TRIM35: variants seen among roughly 807,000 people sequenced by gnomAD.
TRIM35 encodes the protein E3 ubiquitin-protein ligase TRIM35.
A neutral mutation model predicts 49.1 loss-of-function variants in TRIM35; 37 were observed. That is an observed-to-expected ratio of 0.75 (90% CI 0.58 to 0.99). The LOEUF (loss-of-function observed/expected upper bound fraction) is 0.99. TRIM35 is among the 50% of genes least tolerant of loss of function. The probability of loss-of-function intolerance (pLI) is 0.00; values close to 1 mark genes in which losing one functional copy is unlikely to be tolerated. For synonymous variants in TRIM35, 302 were observed against 289.3 expected, an observed-to-expected ratio of 1.04 and a Z score of -0.45; for missense variants, 648 against 702.7, an observed-to-expected ratio of 0.92 and a Z score of 0.88.
Position 27,311,086 on chromosome 8 carries a change from C to T in TRIM35, c.150G>A (p.Glu50=). 6.3e-7 allele frequency: 1 copy of T among 1,597,136 alleles called. No individual in the cohort carries two copies. Residue 50 remains glutamate, a synonymous_variant, in exon 1 of 6, where the codon GAG becomes GAA. Coordinates refer to ENST00000305364, the MANE Select transcript of TRIM35 (RefSeq NM_171982.5). Reference sequence around the variant, plus strand: ...CTGGGCAGGTGGGCGACACCTGCACCTCCCAGCAGCGGCTCACGCACCCGC... The same window carrying T: ...CTGGGCAGGTGGGCGACACCTGCACTTCCCAGCAGCGGCTCACGCACCCGC... The part of the protein sequence containing the change: ...FCRGCVSRCW[E]VQVSPTCPVC...
chr8:27,285,683 A>AC lies in TRIM35; in HGVS notation c.*1866_*1867insG, dbSNP rs1802301249. 6.6e-6 allele frequency: 1 copy of AC among 151,744 alleles called. No individual in the cohort carries two copies. Among genetic ancestry groups the AC allele is most frequent in the African/African-American group, 2.4e-5 (1 of 41,520 alleles). The allele number at this position is 151,744 out of a possible 1,614,324, so 9.4% of individuals were successfully genotyped here. A position where few individuals can be genotyped will look rare whatever the true frequency, so the allele number is the denominator to read the frequency against. ...TATCCTGTTAAAAAAAAAAAAAAAA[A>AC]AAAAACTCTTCCCATATCTAAGGTG... is the stretch of plus-strand genomic sequence containing the variant. On this transcript the variant is annotated 3_prime_UTR_variant, in exon 6 of 6. Coordinates refer to ENST00000305364, the MANE Select transcript of TRIM35 (RefSeq NM_171982.5).
rs1563433813 is a variant in TRIM35 at position 27,285,427 on chromosome 8, T to C, written c.*2123A>G. On this transcript the variant is annotated 3_prime_UTR_variant, in exon 6 of 6. Transcript: ENST00000305364. ...TACACAAAAGTTCCTAGCAGCATTA[T>C]GTATAATAGTCAAGAAGTAGAAACG... 1 of 152,206 alleles carries C rather than the reference T, an allele frequency of 6.6e-6. No individual in the cohort carries two copies. Among genetic ancestry groups the C allele is most frequent in the Non-Finnish European group, 1.5e-5 (1 of 68,048 alleles). 9.4% of individuals were successfully genotyped at this position (152,206 alleles called of 1,614,324 possible). A position where few individuals can be genotyped will look rare whatever the true frequency, so the allele number is the denominator to read the frequency against.
chr8:27,296,944 A>G (rs1437191691), intron 2 of TRIM35, among the ~76,000 whole-genome samples: 2 of 152,234 alleles, frequency 1.3e-5, no homozygotes, highest in Admixed American at 6.5e-5. Flanking sequence ...TGTATGCATT[A>G]TCTTATCTAA....
At chr8:27,290,628 T>TA (rs1653894641) in intron 3 of TRIM35, among the ~76,000 whole-genome samples, 1 of 152,242 alleles carries the variant, frequency 6.6e-6, no homozygotes, top group Non-Finnish European at 1.5e-5. Flanking sequence ...AAACTTGTAT[T>TA]GTTTTATAAT....
chr8:27,295,544 C>T (rs1802548781), intron 2 of TRIM35, among the ~76,000 whole-genome samples: 1 of 152,200 alleles, frequency 6.6e-6, no homozygotes, highest in African/African-American at 2.4e-5. Context: ...TTAGCCTAGC[C>T]TACCTTAAAC....
rs767802318 is a variant in TRIM35, at chr8:27,287,680, T to C, written c.1352A>G (p.Tyr451Cys). The change falls in exon 6 of 6, where the codon TAC becomes TGC. Residue 451 changes from tyrosine to cysteine, a missense_variant. Transcript: ENST00000305364. This position sits in a 1 kb window ranked among gnomAD's most constrained non-coding sequence, Gnocchi z 6.0. ...FYDAERHCHL[Y>C]TFHARFGEVR... ...CTCCCCAAAGCGGGCGTGGAAGGTG[T>C]ACAGGTGGCAGTGGCGCTCCGCGTC... 1 of 1,610,496 alleles carries C rather than the reference T, an allele frequency of 6.2e-7. No homozygotes were observed. The highest frequency in any genetic ancestry group is 8.5e-7 in the Non-Finnish European group (1 of 1,178,676).
intron 2 of TRIM35, among the ~76,000 whole-genome samples, chr8:27,298,125 G>A (rs1802607114): frequency 1.3e-5 from 2 of 152,186 alleles, no homozygotes; most frequent in South Asian, 4.1e-4. Context: ...GTGGATGTGG[G>A]AACTGAAAGA....
chr8:27,288,367 T>C (rs915014556), intron 5 of TRIM35, among the ~76,000 whole-genome samples: 1 of 152,024 alleles, frequency 6.6e-6, no homozygotes, highest in Non-Finnish European at 1.5e-5. Context: ...GTTGTACACA[T>C]ATTAGTTAAG....
At chr8:27,298,914 C>T (rs1422311574) in intron 1 of TRIM35, among the ~76,000 whole-genome samples, 1 of 152,154 alleles carries the variant, frequency 6.6e-6, no homozygotes, top group Non-Finnish European at 1.5e-5. Context: ...GTCTGAATCC[C>T]TGAGCTGTGT....
rs1377863730 is a variant in TRIM35, at chr8:27,285,668, A to T, written c.*1882T>A. On this transcript the variant is annotated 3_prime_UTR_variant, in exon 6 of 6. Coordinates refer to ENST00000305364, the MANE Select transcript of TRIM35 (RefSeq NM_171982.5). ...CTAGCCTGCTCAAGTTATCCTGTTA[A>T]AAAAAAAAAAAAAAAAAAAACTCTT... 3 of 56,684 alleles carry T rather than the reference A, an allele frequency of 5.3e-5. No individual in the cohort carries two copies. Among genetic ancestry groups the T allele is most frequent in the Non-Finnish European group, 1.1e-4 (2 of 18,030 alleles). The allele number at this position is 56,684 out of a possible 1,614,324, so 3.5% of individuals were successfully genotyped here. A position where few individuals can be genotyped will look rare whatever the true frequency, so the allele number is the denominator to read the frequency against.
intron 3 of TRIM35, among the ~76,000 whole-genome samples, chr8:27,292,263 T>C (rs1047827429): frequency 7.9e-5 from 12 of 152,242 alleles, no homozygotes; most frequent in South Asian, 6.2e-4. Context: ...AGCAACGTGC[T>C]GTACAGGTTT....
In TRIM35 at chr8:27,298,515, C is replaced by T. The variant is rs1240633295; in HGVS notation, c.480G>A (p.Lys160=). The change falls in exon 2 of 6, where the codon AAG becomes AAA. Residue 160 remains lysine, a synonymous_variant. Transcript: ENST00000305364. ...NMEHALREKA[K]AFWAMRRSYE... ...AGGAGCGCCGCATGGCCCAGAAGGC[C>T]TTGGCCTTCTCCCGCAGTGCATGCT... The T allele has an allele frequency of 6.2e-7, 1 of 1,614,256 alleles. No individual in the cohort carries two copies. Among genetic ancestry groups the T allele is most frequent in the South Asian group, 1.1e-5 (1 of 91,090 alleles).
At chr8:27,296,336 T>C (rs113434736) in intron 2 of TRIM35, among the ~76,000 whole-genome samples, 2 of 152,076 alleles carry the variant, frequency 1.3e-5, no homozygotes, top group African/African-American at 4.8e-5. Flanking sequence ...GTAATTCTTA[T>C]CACACAAAAA....
rs934506832 is a variant in TRIM35 at position 27,286,189 on chromosome 8, A to G, written c.*1361T>C. The G allele has an allele frequency of 4.4e-6, 2 of 456,138 alleles. No individual in the cohort carries two copies. Among genetic ancestry groups the G allele is most frequent in the Non-Finnish European group, 8.8e-6 (2 of 226,966 alleles). 28.3% of individuals were successfully genotyped at this position (456,138 alleles called of 1,614,324 possible). On this transcript the variant is annotated 3_prime_UTR_variant, in exon 6 of 6. Coordinates refer to ENST00000305364, the MANE Select transcript of TRIM35 (RefSeq NM_171982.5). ...TGATGCCACTTCCTGGGACATGATG[A>G]GCTGAAGATTAAAAACTCTTCAGAG...
chr8:27,309,827 T>TAAA (rs34068211), intron 1 of TRIM35, among the ~76,000 whole-genome samples: 1 of 140,216 alleles, frequency 7.1e-6, no homozygotes. Context: ...TACTAGAAAT[T>TAAA]AAAAAAAAAA....
In TRIM35 at chr8:27,287,609, G is replaced by C; in HGVS notation, c.1423C>G (p.Pro475Ala). ...YLGGARGAGP[P>A]EPLRICPLHI... ...AAGGGGCAGATGCGCAAAGGCTCTG[G>C]AGGCCCGGCGCCCCGTGCACCCCCC... Residue 475 changes from proline to alanine, a missense_variant, in exon 6 of 6, where the codon CCA (proline) becomes GCA (alanine). Coordinates refer to ENST00000305364, the MANE Select transcript of TRIM35 (RefSeq NM_171982.5). The surrounding 1 kb of genome is among the most constrained non-coding windows in gnomAD (Gnocchi z 6.0). 7 of 1,606,666 alleles carry C rather than the reference G, an allele frequency of 4.4e-6. No homozygotes were observed. The highest frequency in any genetic ancestry group is 6.0e-6 in the Non-Finnish European group (7 of 1,176,428).
At chr8:27,304,630 G>A (rs559079114) in intron 1 of TRIM35, 1 of 346,300 alleles carries the variant, frequency 2.9e-6, no homozygotes, top group South Asian at 2.2e-5. Context: ...CAGAAGGAAT[G>A]CTTGCTCTGC....
In TRIM35 at chr8:27,286,975, G is replaced by C. The variant is rs1462737195; in HGVS notation, c.*575C>G. 1 of 152,950 alleles carries C rather than the reference G, an allele frequency of 6.5e-6. No homozygotes were observed. The highest frequency in any genetic ancestry group is 1.9e-4 in the East Asian group (1 of 5,178). The allele number at this position is 152,950 out of a possible 1,614,324, so 9.5% of individuals were successfully genotyped here. Reference sequence around the variant, plus strand: ...AGACAAAAAGGGCAGCCCCTATCCTGAGAGCCACTGAAATTACTCAAGCCA... The same window carrying C: ...AGACAAAAAGGGCAGCCCCTATCCTCAGAGCCACTGAAATTACTCAAGCCA... On this transcript the variant is annotated 3_prime_UTR_variant, in exon 6 of 6. Transcript: ENST00000305364.
chr8:27,286,293 C>A lies in TRIM35; in HGVS notation c.*1257G>T. 2 of 414,538 alleles carry A rather than the reference C, an allele frequency of 4.8e-6. No homozygotes were observed. The highest frequency in any genetic ancestry group is 1.8e-5 in the South Asian group (1 of 55,924). The allele number at this position is 414,538 out of a possible 1,614,324, so 25.7% of individuals were successfully genotyped here. A position where few individuals can be genotyped will look rare whatever the true frequency, so the allele number is the denominator to read the frequency against. ...AAATTAGGGATGAAATCGCAAGTGG[C>A]AGAGCAAGCATGACCAGGCTGAAGT... On this transcript the variant is annotated 3_prime_UTR_variant, in exon 6 of 6. Coordinates refer to ENST00000305364, the MANE Select transcript of TRIM35 (RefSeq NM_171982.5).
Sources: allele counts gnomAD v4.1 joint callset (sites outside exome capture counted in the v4.1 genomes callset), GRCh38; gene constraint gnomAD v4.1.1; non-coding constraint Gnocchi (gnomAD v3.1); transcripts MANE v1.5; gene names NCBI Gene and HGNC (gene_info 2026-07-23, HGNC 2026-07-21).